TEX2: variants seen among roughly 807,000 people sequenced by gnomAD.
TEX2 encodes testis-expressed protein 2.
Under a neutral mutation model 106.9 loss-of-function variants are expected in TEX2, and 53 were observed. The observed-to-expected ratio is 0.50, with a 90% CI of 0.40 to 0.62. TEX2 has a LOEUF of 0.62. TEX2 is among the 20% of genes least tolerant of loss of function. The pLI, the probability that TEX2 is intolerant of heterozygous loss-of-function variation, is 0.00. For synonymous variants in TEX2, 523 were observed against 534.8 expected (o/e 0.98, Z 0.30); for missense variants, 1,207 against 1,379.0 (o/e 0.88, Z 1.98).
chr17:64,179,872 G>A (rs2031783251), intron 5 of TEX2, among the ~76,000 whole-genome samples: 1 of 152,176 alleles, frequency 6.6e-6, no homozygotes. Flanking sequence ...TTCTCTCTGG[G>A]CTTTTCGAGT....
chr17:64,218,841 G>A (rs2033268789), intron 1 of TEX2, among the ~76,000 whole-genome samples: 1 of 152,108 alleles, frequency 6.6e-6, no homozygotes, highest in Non-Finnish European at 1.5e-5. Context: ...TAGGTAACAG[G>A]TGAACCAGAA....
At chr17:64,221,418 T>C (rs1303639352) in intron 1 of TEX2, among the ~76,000 whole-genome samples, 1 of 152,096 alleles carries the variant, frequency 6.6e-6, no homozygotes, top group Admixed American at 6.6e-5. Context: ...CAAAAAGATA[T>C]ACAAATGGGC....
intron 1 of TEX2, among the ~76,000 whole-genome samples, chr17:64,228,579 G>C (rs1555634200): frequency 6.6e-6 from 1 of 152,176 alleles, no homozygotes; most frequent in African/African-American, 2.4e-5. Context: ...CTACTGATGT[G>C]ACAGGAGGTG....
intron 2 of TEX2, among the ~76,000 whole-genome samples, chr17:64,211,056 G>C (rs2032986869): frequency 6.6e-6 from 1 of 152,026 alleles, no homozygotes; most frequent in African/African-American, 2.4e-5. Flanking sequence ...CAGCCCCCAG[G>C]CCCAAGCAAT....
At chr17:64,220,636 T>C (rs1474267438) in intron 1 of TEX2, among the ~76,000 whole-genome samples, 2 of 151,910 alleles carry the variant, frequency 1.3e-5, no homozygotes, top group Non-Finnish European at 2.9e-5. Flanking sequence ...GAAATGCAAA[T>C]CAAAACCACA....
At chr17:64,203,314 T>A (rs531535022) in intron 2 of TEX2, among the ~76,000 whole-genome samples, 2 of 152,340 alleles carry the variant, frequency 1.3e-5, no homozygotes, top group African/African-American at 4.8e-5. Flanking sequence ...GTCATTCAGA[T>A]CCCTGTATCA....
At chr17:64,191,446 T>C (rs1479764312) in intron 4 of TEX2, among the ~76,000 whole-genome samples, 1 of 152,186 alleles carries the variant, frequency 6.6e-6, no homozygotes, top group Non-Finnish European at 1.5e-5. Flanking sequence ...CCTAGACCAG[T>C]AGACCTTTAT....
intron 5 of TEX2, among the ~76,000 whole-genome samples, chr17:64,182,745 C>T (rs2031927018): frequency 6.6e-6 from 1 of 152,084 alleles, no homozygotes; most frequent in African/African-American, 2.4e-5. Context: ...TGACTGACTC[C>T]CCTCACTAAT....
At chr17:64,174,186 C>A (rs1301920617) in intron 6 of TEX2, among the ~76,000 whole-genome samples, 2 of 152,170 alleles carry the variant, frequency 1.3e-5, no homozygotes, top group Non-Finnish European at 2.9e-5. Flanking sequence ...TGACACTGAG[C>A]CACAGGAGTG....
intron 8 of TEX2, among the ~76,000 whole-genome samples, chr17:64,158,513 T>C (rs1428759372): frequency 6.6e-6 from 1 of 152,220 alleles, no homozygotes; most frequent in Non-Finnish European, 1.5e-5. Context: ...TTAAGGAAGA[T>C]GTCAGTTCCA....
chr17:64,243,225 C>G (rs1351404157), intron 1 of TEX2, among the ~76,000 whole-genome samples: 4 of 151,892 alleles, frequency 2.6e-5, no homozygotes, highest in Non-Finnish European at 5.9e-5. Context: ...CCACACCCGG[C>G]CAAAAATTTT....
intron 7 of TEX2, among the ~76,000 whole-genome samples, chr17:64,168,125 G>A (rs1470053597): frequency 3.9e-5 from 6 of 152,272 alleles, no homozygotes; most frequent in East Asian, 1.9e-4. Context: ...CACCTGGGTC[G>A]CATTTCCCTG....
At chr17:64,218,371 T>C (rs190202813) in intron 1 of TEX2, among the ~76,000 whole-genome samples, 7 of 151,324 alleles carry the variant, frequency 4.6e-5, no homozygotes, top group East Asian at 1.9e-4. Flanking sequence ...CCCTCAAGCA[T>C]TGGCCTAGCC....
intron 1 of TEX2, among the ~76,000 whole-genome samples, chr17:64,232,533 G>A (rs2033681447): frequency 6.6e-6 from 1 of 152,232 alleles, no homozygotes; most frequent in Non-Finnish European, 1.5e-5. Context: ...GCATAGCTGA[G>A]CAAGCAAGAA....
chr17:64,232,127 T>C (rs1197286617), intron 1 of TEX2, among the ~76,000 whole-genome samples: 1 of 152,132 alleles, frequency 6.6e-6, no homozygotes, highest in Non-Finnish European at 1.5e-5. Flanking sequence ...TAATACAAAA[T>C]GAAAAGGCAG....
At chr17:64,254,715 C>A (rs543675371) in intron 1 of TEX2, among the ~76,000 whole-genome samples, 4 of 152,318 alleles carry the variant, frequency 2.6e-5, no homozygotes, top group Non-Finnish European at 5.9e-5. Flanking sequence ...CTTAAAGTAA[C>A]ATATGCCACT....
intron 1 of TEX2, among the ~76,000 whole-genome samples, chr17:64,250,945 G>A (rs1252698328): frequency 1.3e-5 from 2 of 152,194 alleles, no homozygotes; most frequent in Non-Finnish European, 2.9e-5. Context: ...ACCTGCCTCA[G>A]CCTCCCAAAG....
Position 64,171,077 on chromosome 17 carries a change from T to C in TEX2, c.2671+23A>G, listed in dbSNP as rs370614293. ...AGCAAAGGATATATTTTAACACTCA[T>C]AGAATGGTCAGTTAGGAGTTACCTT... On this transcript the variant is annotated intron_variant, in intron 7 of 11. Transcript: ENST00000584379. 1.1e-5 allele frequency: 18 copies of C among 1,587,820 alleles called. No individual in the cohort carries two copies. In the African/African-American group the frequency reaches 1.2e-4, roughly 11 times the overall value.
chr17:64,191,218 C>A (rs2032284450), intron 4 of TEX2, among the ~76,000 whole-genome samples: 1 of 152,222 alleles, frequency 6.6e-6, no homozygotes, highest in Non-Finnish European at 1.5e-5. Flanking sequence ...GGTTTTCCCA[C>A]ATCTCTGACT....
Sources: gnomAD v4.1 joint callset for allele counts (sites outside exome capture counted in the v4.1 genomes callset) on GRCh38, gnomAD v4.1.1 for gene constraint, MANE v1.5 for transcripts, NCBI Gene and HGNC (gene_info 2026-07-23, HGNC 2026-07-21) for gene names.